The following CLASP2 variants were observed in gnomAD, a reference collection of about 807,000 sequenced individuals.
CLASP2 encodes CLIP-associating protein 2.
A neutral mutation model predicts 194.4 loss-of-function variants in CLASP2; 47 were observed. The observed-to-expected ratio is 0.24, with a 90% confidence interval of 0.19 to 0.31. The LOEUF (loss-of-function observed/expected upper bound fraction) is 0.31, where lower values mean the gene tolerates loss of function less well. Ranked by LOEUF, CLASP2 falls within the 10% of genes least tolerant of loss-of-function variation. The pLI is 1.00. For synonymous variants in CLASP2, 619 were observed against 633.5 expected, an observed-to-expected ratio of 0.98 and a Z score of 0.34; for missense variants, 1,445 against 1,823.6, an observed-to-expected ratio of 0.79 and a Z score of 3.78.
rs559194407 is a variant in CLASP2, at chr3:33,608,434, C to T, written c.1448+133G>A. ...GAGTAAGAGGAGCACAACACCACCACAGCTTTAAAGGAAAACCAGTACAAA... is the reference window on the plus strand; with the variant it reads ...GAGTAAGAGGAGCACAACACCACCATAGCTTTAAAGGAAAACCAGTACAAA... On this transcript the variant is annotated intron_variant, in intron 14 of 38. Coordinates refer to ENST00000682230, the MANE Select transcript of CLASP2 (RefSeq NM_001365631.1). 6.4e-5 allele frequency: 46 copies of T among 720,458 alleles called. No individual in the cohort carries two copies. In the South Asian group the frequency reaches 7.6e-4, roughly 12 times the overall value. 44.6% of individuals were successfully genotyped at this position (720,458 alleles called of 1,614,324 possible). A position where few individuals can be genotyped will look rare whatever the true frequency, so the allele number is the denominator to read the frequency against.
chr3:33,622,971 G>GTGGC (rs1285351883), intron 10 of CLASP2, among the ~76,000 whole-genome samples: 2 of 152,020 alleles, frequency 1.3e-5, no homozygotes, highest in East Asian at 3.9e-4. Context: ...ACCGTGCCTG[G>GTGGC]ATAATTTTTG....
chr3:33,554,718 T>C (rs1295410155), intron 29 of CLASP2: 1 of 154,424 alleles, frequency 6.5e-6, no homozygotes, highest in Non-Finnish European at 1.4e-5. Context: ...GGAGCATTCA[T>C]TGTATCCCTG....
At chr3:33,697,090 C>T (rs1475577808) in intron 1 of CLASP2, among the ~76,000 whole-genome samples, 157 bp from the exon 2 acceptor site, 1 of 151,968 alleles carries the variant, frequency 6.6e-6, no homozygotes, top group Non-Finnish European at 1.5e-5. Context: ...AGGTTAAGCA[C>T]CCTAATCTCA....
intron 12 of CLASP2, among the ~76,000 whole-genome samples, chr3:33,614,888 G>T (rs1329750161): frequency 6.6e-6 from 1 of 152,118 alleles, no homozygotes; most frequent in Non-Finnish European, 1.5e-5. Context: ...CTACTTGGGA[G>T]GCTGAGGCAG....
intron 30 of CLASP2, among the ~76,000 whole-genome samples, chr3:33,549,629 A>G (rs1183221268): frequency 2.0e-5 from 3 of 152,196 alleles, no homozygotes; most frequent in African/African-American, 7.2e-5. Flanking sequence ...TTCATGGCCT[A>G]GCGTGCAGAA....
chr3:33,594,481 C>G (rs891258348), intron 20 of CLASP2, among the ~76,000 whole-genome samples: 1 of 151,912 alleles, frequency 6.6e-6, no homozygotes, highest in African/African-American at 2.4e-5. Context: ...CTGTGACCAA[C>G]TCCCCAGTTA....
At chr3:33,621,640 G>A (rs1383339692) in intron 11 of CLASP2, among the ~76,000 whole-genome samples, 1 of 152,056 alleles carries the variant, frequency 6.6e-6, no homozygotes, top group African/African-American at 2.4e-5. Flanking sequence ...ATCTTCAAAG[G>A]AATGCATATG....
chr3:33,577,504 G>T (rs1386336120), intron 23 of CLASP2, among the ~76,000 whole-genome samples: 1 of 151,956 alleles, frequency 6.6e-6, no homozygotes, highest in Admixed American at 6.6e-5. Context: ...GTATTCAAAT[G>T]GAAGGAAATG....
At chr3:33,539,554 C>T (rs533889675) in intron 32 of CLASP2, among the ~76,000 whole-genome samples, 2 of 152,196 alleles carry the variant, frequency 1.3e-5, no homozygotes, top group African/African-American at 4.8e-5. Flanking sequence ...AGGCTGGTCT[C>T]GAACTCCTGA....
rs142665421 is a variant in CLASP2, at chr3:33,612,890, G to C, written c.1318-819C>G. On this transcript the variant is annotated intron_variant, in intron 12 of 38. Coordinates refer to ENST00000682230, the MANE Select transcript of CLASP2 (RefSeq NM_001365631.1). ...GTTAGTCATGATCAGAGGCTAGGAA[G>C]GATAGGGGGAGGAGGGAGTGAAAAG... 2.4e-3 allele frequency among the ~76,000 whole-genome samples: 361 copies of C among 152,190 alleles called. 2 individuals are homozygous for C. Among genetic ancestry groups the C allele is most frequent in the African/African-American group, 7.8e-3 (322 of 41,538 alleles).
intron 7 of CLASP2, among the ~76,000 whole-genome samples, chr3:33,648,300 A>G (rs573607098): frequency 6.6e-6 from 1 of 152,288 alleles, no homozygotes; most frequent in South Asian, 2.1e-4. Flanking sequence ...GGTTAGGGAA[A>G]GACAGACTAA....
chr3:33,565,808 T>C (rs1028178314), intron 27 of CLASP2, among the ~76,000 whole-genome samples: 1 of 150,924 alleles, frequency 6.6e-6, no homozygotes, highest in East Asian at 2.0e-4. Flanking sequence ...CGAGACTCCG[T>C]CTCAAAAAAA....
chr3:33,624,920 A>T (rs921368477), intron 10 of CLASP2, among the ~76,000 whole-genome samples: 6 of 152,112 alleles, frequency 3.9e-5, no homozygotes, highest in East Asian at 3.8e-4. Context: ...AAAATTTTTT[A>T]AAATTGAAAA....
intron 13 of CLASP2, among the ~76,000 whole-genome samples, chr3:33,611,494 T>C (rs62252156): frequency 2.6e-5 from 4 of 152,160 alleles, no homozygotes; most frequent in Non-Finnish European, 4.4e-5. Flanking sequence ...TGTTAAGAAT[T>C]GTAGAAACCA....
chr3:33,559,253 A>G, intron 29 of CLASP2, 54 bp downstream of exon 29: 1 of 1,052,690 alleles, frequency 9.5e-7, no homozygotes, highest in South Asian at 1.4e-5. Flanking sequence ...ACATAACTTT[A>G]TTAATAAATA....
intron 20 of CLASP2, chr3:33,592,721 GATTTA>G (rs1560199795): frequency 3.5e-6 from 2 of 578,576 alleles, no homozygotes; most frequent in East Asian, 6.9e-5. Flanking sequence ...CAAACTAAAA[GATTTA>G]CATTCTTAGT....
chr3:33,530,094 C>A (rs181360044), intron 34 of CLASP2, among the ~76,000 whole-genome samples: 1 of 150,920 alleles, frequency 6.6e-6, no homozygotes, highest in Non-Finnish European at 1.5e-5. Context: ...CTGAAGGACC[C>A]GAATGAGGCT....
chr3:33,655,208 C>G (rs955820628), intron 7 of CLASP2, among the ~76,000 whole-genome samples: 1 of 152,092 alleles, frequency 6.6e-6, no homozygotes, highest in Non-Finnish European at 1.5e-5. Flanking sequence ...ACAAAGAAAA[C>G]ATGTAAACCT....
chr3:33,610,402 G>A (rs776000182), intron 13 of CLASP2, among the ~76,000 whole-genome samples: 2 of 152,130 alleles, frequency 1.3e-5, no homozygotes, highest in Non-Finnish European at 2.9e-5. Context: ...TCTGGCCTCA[G>A]GGGCCTATCT....
Sources: gnomAD v4.1 joint callset for allele counts (sites outside exome capture counted in the v4.1 genomes callset) on GRCh38, gnomAD v4.1.1 for gene constraint, MANE v1.5 for transcripts, NCBI Gene and HGNC (gene_info 2026-07-23, HGNC 2026-07-21) for gene names.